Variants in RFPL1 observed in about 807,000 individuals in gnomAD.
RFPL1 encodes ret finger protein-like 1.
A neutral mutation model predicts 9.6 loss-of-function variants in RFPL1; 6 were observed. The observed-to-expected ratio is 0.62, with a 90% CI of 0.34 to 1.23. RFPL1 has a LOEUF of 1.23. Ranked by LOEUF, RFPL1 falls within the 50% of genes most tolerant of loss-of-function variation. The probability of loss-of-function intolerance (pLI) is 0.03; values close to 1 mark genes in which losing one functional copy is unlikely to be tolerated. For synonymous variants in RFPL1, 145 were observed against 149.4 expected (o/e 0.97, Z 0.22); for missense variants, 352 against 398.4 (o/e 0.88, Z 0.99).
the RFPL1 span, among the ~76,000 whole-genome samples, chr22:29,389,846 T>A: frequency 2.6e-5 from 4 of 152,012 alleles, 1 homozygote; most frequent in Admixed American, 2.6e-4. Flanking sequence ...TTGCCCGGAC[T>A]GGAGTGCAGT....
At chr22:29,411,970 T>G in the RFPL1 span, among the ~76,000 whole-genome samples, 1 of 152,102 alleles carries the variant, frequency 6.6e-6, no homozygotes, top group African/African-American at 2.4e-5. Context: ...CCCACCTCAG[T>G]TGGAGTGAGC....
chr22:29,439,126 AG>A lies in RFPL1; in HGVS notation c.336del (p.Ile113PhefsTer4), dbSNP rs2062824571. ...AAGGAACTGGAGCCCAAGCTGAAGA[AG>A]ATTCTGCAGATGAACCCAAGGATGC... On this transcript the variant is annotated frameshift_variant, in exon 1 of 2. Coordinates refer to ENST00000354373, the Ensembl canonical transcript of RFPL1. LOFTEE classifies it low-confidence loss of function (END_TRUNC). The A allele has an allele frequency of 6.2e-7, 1 of 1,614,226 alleles. No homozygotes were observed. Among genetic ancestry groups the A allele is most frequent in the East Asian group, 2.2e-5 (1 of 44,882 alleles).
At chr22:29,438,417 A>C (rs767341792), upstream of RFPL1, 7 of 240,672 alleles carry the variant, frequency 2.9e-5, no homozygotes, top group Non-Finnish European at 4.7e-5. Context: ...TGACGACCTC[A>C]GATGATCCAC....
chr22:29,421,560 A>G, the RFPL1 span, among the ~76,000 whole-genome samples: 24 of 150,074 alleles, frequency 1.6e-4, no homozygotes, highest in Non-Finnish European at 2.5e-4. Context: ...TCTTTTTTCA[A>G]TTAGTTGCCC....
chr22:29,406,300 G>C, the RFPL1 span, among the ~76,000 whole-genome samples: 5 of 151,520 alleles, frequency 3.3e-5, no homozygotes, highest in Admixed American at 1.3e-4. Flanking sequence ...TATTCTTCCA[G>C]ACATTGAATG....
At chr22:29,410,635 AT>A in the RFPL1 span, among the ~76,000 whole-genome samples, 15 of 102,616 alleles carry the variant, frequency 1.5e-4, no homozygotes, top group Non-Finnish European at 2.8e-4. Flanking sequence ...AGATAGATAT[AT>A]TGTAGATATA....
chr22:29,442,131 T>A (rs1295043988), exon 2 of RFPL1: 6 of 1,512,866 alleles, frequency 4.0e-6, no homozygotes, highest in Non-Finnish European at 5.3e-6. Flanking sequence ...AAGCCCCCAC[T>A]GCAAAAAAAC....
At chr22:29,441,546 T>C (rs2062838797) in exon 2 of RFPL1, 1 of 1,611,644 alleles carries the variant, frequency 6.2e-7, no homozygotes, top group Non-Finnish European at 8.5e-7. Context: ...TCACAGTGGA[T>C]ATGACCTTGG....
chr22:29,418,496 C>CT, the RFPL1 span, among the ~76,000 whole-genome samples: 7,828 of 124,472 alleles, frequency 0.063, 416 homozygotes, highest in Non-Finnish European at 0.087. Flanking sequence ...TCTTCGTCTT[C>CT]TTTTTTTTTT....
the RFPL1 span, among the ~76,000 whole-genome samples, chr22:29,398,244 T>G: frequency 1.1e-4 from 16 of 152,172 alleles, no homozygotes; most frequent in Admixed American, 3.9e-4. Context: ...CTGACCCCAG[T>G]TCAGGCCTCA....
the RFPL1 span, among the ~76,000 whole-genome samples, chr22:29,389,848 G>C: frequency 6.6e-6 from 1 of 151,706 alleles, no homozygotes; most frequent in Admixed American, 6.6e-5. Flanking sequence ...GCCCGGACTG[G>C]AGTGCAGTGT....
At chr22:29,410,285 T>TATATATAG in the RFPL1 span, among the ~76,000 whole-genome samples, 17 of 97,680 alleles carry the variant, frequency 1.7e-4, no homozygotes, top group African/African-American at 6.7e-4. Context: ...TATATAGATC[T>TATATATAG]ATATATATGT....
the RFPL1 span, among the ~76,000 whole-genome samples, chr22:29,397,385 G>A: frequency 6.6e-6 from 1 of 152,112 alleles, no homozygotes; most frequent in African/African-American, 2.4e-5. Context: ...TAGAGCGTGA[G>A]GTCTCCAAAA....
At chr22:29,407,079 TTGTGTGTGTGTGTGTGTG>T in the RFPL1 span, among the ~76,000 whole-genome samples, 2,478 of 146,000 alleles carry the variant, frequency 0.017, 77 homozygotes, top group African/African-American at 0.06. Flanking sequence ...AGTTGTTCTT[TTGTGTGTGTGTGTGTGTG>T]TGTGTGTGTG....
At chr22:29,438,639 C>T in exon 1 of RFPL1, 1 of 1,477,942 alleles carries the variant, frequency 6.8e-7, no homozygotes, top group Non-Finnish European at 9.0e-7. Context: ...GACCCTTCCT[C>T]CACCTCAGTT....
At chr22:29,398,436 A>G in the RFPL1 span, among the ~76,000 whole-genome samples, 2 of 152,224 alleles carry the variant, frequency 1.3e-5, no homozygotes, top group Non-Finnish European at 2.9e-5. Flanking sequence ...TCTGCAAAAT[A>G]TCCCCACGGG....
chr22:29,406,115 C>CAAA, the RFPL1 span, among the ~76,000 whole-genome samples: 25 of 9,706 alleles, frequency 2.6e-3, 2 homozygotes, highest in Non-Finnish European at 4.3e-3. Context: ...GACTCCTTCT[C>CAAA]AAAAAAAAAA....
the RFPL1 span, among the ~76,000 whole-genome samples, chr22:29,430,325 T>A: frequency 6.6e-6 from 1 of 152,108 alleles, no homozygotes; most frequent in Non-Finnish European, 1.5e-5. Flanking sequence ...CACTCAAATA[T>A]CTTAATGAGA....
chr22:29,427,939 C>T, the RFPL1 span, among the ~76,000 whole-genome samples: 1 of 152,164 alleles, frequency 6.6e-6, no homozygotes, highest in South Asian at 2.1e-4. Context: ...TTGTAATTCA[C>T]CCTTTCTATA....
Sources: allele counts gnomAD v4.1 joint callset (sites outside exome capture counted in the v4.1 genomes callset), GRCh38; gene constraint gnomAD v4.1.1; transcripts MANE v1.5; gene names NCBI Gene and HGNC (gene_info 2026-07-23, HGNC 2026-07-21).